Variants in PRR23E observed in about 807,000 individuals in gnomAD.
PRR23E encodes PRR23 family member E.
At chr3:127,193,190 C>T in the PRR23E span, 1 of 152,260 alleles carries the variant, frequency 6.6e-6, no homozygotes. Context: ...CCCAAGACCT[C>T]TTGAGAGAGC....
At chr3:127,196,469 C>G in the PRR23E span, 1 of 691,780 alleles carries the variant, frequency 1.4e-6, no homozygotes, top group African/African-American at 1.8e-5. Flanking sequence ...TCCCCATCCT[C>G]CCTGGAGATG....
chr3:127,197,170 C>T, the PRR23E span: 3 of 1,590,426 alleles, frequency 1.9e-6, no homozygotes, highest in Non-Finnish European at 1.7e-6. Context: ...TGGACTCCAG[C>T]CAGCTCAGCC....
At chr3:127,196,857 T>C in the PRR23E span, 1 of 1,599,394 alleles carries the variant, frequency 6.3e-7, no homozygotes, top group Non-Finnish European at 8.5e-7. Flanking sequence ...CCTGGCCCTC[T>C]GGCCTGTCAT....
At chr3:127,196,827 G>A in the PRR23E span, 21 of 1,598,772 alleles carry the variant, frequency 1.3e-5, no homozygotes, top group Non-Finnish European at 1.8e-5. Flanking sequence ...TACCTGCTTG[G>A]GAGCCCAGCC....
At chr3:127,194,719 A>G in the PRR23E span, among the ~76,000 whole-genome samples, 1 of 152,096 alleles carries the variant, frequency 6.6e-6, no homozygotes, top group African/African-American at 2.4e-5. Flanking sequence ...GTCCACATCT[A>G]TCCTACGGGC....
chr3:127,197,281 C>T, the PRR23E span: 2 of 1,599,336 alleles, frequency 1.3e-6, no homozygotes, highest in African/African-American at 1.3e-5. Context: ...ATTTGGGCAC[C>T]TTTGCCCTGC....
At chr3:127,195,293 C>T in the PRR23E span, among the ~76,000 whole-genome samples, 5 of 152,156 alleles carry the variant, frequency 3.3e-5, no homozygotes, top group Non-Finnish European at 5.9e-5. Context: ...CTTCCTTTCC[C>T]GGGCCGGTTT....
chr3:127,194,347 T>C, the PRR23E span, among the ~76,000 whole-genome samples: 7 of 152,156 alleles, frequency 4.6e-5, no homozygotes, highest in Admixed American at 4.6e-4. Flanking sequence ...AAAAAAATCA[T>C]TAAAAAATCC....
the PRR23E span, among the ~76,000 whole-genome samples, chr3:127,195,932 C>T: frequency 6.6e-6 from 1 of 152,126 alleles, no homozygotes; most frequent in East Asian, 1.9e-4. Flanking sequence ...ACCTGATGTG[C>T]CCTCTCCTGG....
the PRR23E span, among the ~76,000 whole-genome samples, chr3:127,195,330 C>CT: frequency 1.3e-5 from 2 of 152,144 alleles, no homozygotes; most frequent in Non-Finnish European, 1.5e-5. Flanking sequence ...ACCCTCTGAT[C>CT]TAGAGAGGCT....
the PRR23E span, chr3:127,196,922 G>A: frequency 2.8e-3 from 4,546 of 1,599,406 alleles, 103 homozygotes; most frequent in African/African-American, 0.052. Context: ...GGGCTTACCC[G>A]TGGGTGCTCT....
At chr3:127,196,834 A>G in the PRR23E span, 1 of 1,599,108 alleles carries the variant, frequency 6.3e-7, no homozygotes, top group Non-Finnish European at 8.5e-7. Flanking sequence ...TTGGGAGCCC[A>G]GCCTGTAACT....
chr3:127,196,591 A>C, the PRR23E span: 4 of 1,448,244 alleles, frequency 2.8e-6, no homozygotes, highest in Non-Finnish European at 3.6e-6. Context: ...CACCCCACAG[A>C]TACCAGGAGC....
the PRR23E span, among the ~76,000 whole-genome samples, chr3:127,195,466 C>T: frequency 0.012 from 1,842 of 152,264 alleles, 21 homozygotes; most frequent in Middle Eastern, 0.037. Flanking sequence ...CAGGAAGTCC[C>T]TCCCTGCCCT....
chr3:127,196,699 C>A, the PRR23E span: 72 of 1,590,422 alleles, frequency 4.5e-5, no homozygotes, highest in African/African-American at 9.3e-4. Flanking sequence ...GGCACAGGTG[C>A]ATCAGAGAAA....
chr3:127,195,687 C>T, the PRR23E span, among the ~76,000 whole-genome samples: 1 of 152,090 alleles, frequency 6.6e-6, no homozygotes, highest in Non-Finnish European at 1.5e-5. Flanking sequence ...TGCCCCTGAC[C>T]CCAGCCCTCA....
At chr3:127,196,562 C>T in the PRR23E span, 1 of 1,427,602 alleles carries the variant, frequency 7.0e-7, no homozygotes. Flanking sequence ...TCTCCCTGCC[C>T]TCTGACTGGC....
chr3:127,194,008 G>A, the PRR23E span, among the ~76,000 whole-genome samples: 4 of 152,192 alleles, frequency 2.6e-5, no homozygotes, highest in African/African-American at 9.6e-5. Context: ...CATATGATTA[G>A]CTCTGGTCTG....
the PRR23E span, chr3:127,196,565 T>A: frequency 1.4e-6 from 2 of 1,417,252 alleles, no homozygotes; most frequent in South Asian, 1.5e-5. Flanking sequence ...CCCTGCCCTC[T>A]GACTGGCTGT....
Sources: gnomAD v4.1 joint callset for allele counts (sites outside exome capture counted in the v4.1 genomes callset) on GRCh38, gnomAD v4.1.1 for gene constraint, MANE v1.5 for transcripts, NCBI Gene and HGNC (gene_info 2026-07-23, HGNC 2026-07-21) for gene names.